Variants in CAMTA1 observed in about 807,000 individuals in gnomAD.
CAMTA1 encodes calmodulin binding transcription activator 1, also known as calmodulin-binding transcription activator 1.
In CAMTA1, 27 loss-of-function variants were observed where a neutral mutation model predicts 170.9. The ratio of observed to expected loss-of-function variants is 0.16; its 90% CI spans 0.12 to 0.22. The LOEUF (loss-of-function observed/expected upper bound fraction) is 0.22, where lower values mean the gene tolerates loss of function less well. Ranked by LOEUF, CAMTA1 falls within the 10% of genes least tolerant of loss-of-function variation. The probability of loss-of-function intolerance (pLI) is 1.00; values close to 1 mark genes in which losing one functional copy is unlikely to be tolerated. For synonymous variants in CAMTA1, 833 were observed against 891.5 expected, an observed-to-expected ratio of 0.93 and a Z score of 1.17; for missense variants, 1,619 against 2,217.2, an observed-to-expected ratio of 0.73 and a Z score of 5.42.
intron 5 of CAMTA1, among the ~76,000 whole-genome samples, chr1:7,303,984 G>A (rs563962889): frequency 6.6e-6 from 1 of 152,336 alleles, no homozygotes; most frequent in South Asian, 2.1e-4. Context: ...GCATTCTGTG[G>A]TTCTGCTTCT....
At chr1:6,900,576 A>G (rs899225465) in intron 3 of CAMTA1, among the ~76,000 whole-genome samples, 1 of 152,210 alleles carries the variant, frequency 6.6e-6, no homozygotes, top group African/African-American at 2.4e-5. Flanking sequence ...CCAAGCACCT[A>G]TGAGAATAAA....
chr1:7,138,737 G>A (rs1330769389), intron 4 of CAMTA1, among the ~76,000 whole-genome samples: 5 of 152,112 alleles, frequency 3.3e-5, no homozygotes, highest in Admixed American at 3.3e-4. Flanking sequence ...GCTCACACCT[G>A]TAATCCCAGC....
intron 3 of CAMTA1, among the ~76,000 whole-genome samples, chr1:6,928,742 C>T (rs1683824589): frequency 6.6e-6 from 1 of 152,216 alleles, no homozygotes; most frequent in Non-Finnish European, 1.5e-5. Flanking sequence ...TTGGCTTGCC[C>T]CAGCTCATTT....
rs267598725 is a variant in CAMTA1 at position 7,663,640 on chromosome 1, G to A, written c.1093G>A (p.Gly365Arg). 1.4e-5 allele frequency: 22 copies of A among 1,614,114 alleles called. No individual in the cohort carries two copies. The highest frequency in any genetic ancestry group is 6.7e-5 in the East Asian group (3 of 44,876). ...GAGCTCCCCTGTGTCCATCAGCAGC[G>A]GGCTCAACAGCGACCCGGACATGGT... ...TQSSPVSISS[G>R]LNSDPDMVDS... Residue 365 changes from glycine to arginine, a missense_variant, in exon 9 of 23, where the codon GGG becomes AGG. This residue lies in a region of CAMTA1 where 731 missense variants were observed against 907.6 expected (regional missense o/e 0.81). Transcript: ENST00000303635.
At position 7,146,051 on chromosome 1, in the gene CAMTA1, C is replaced by A. The variant is rs17030367; in HGVS notation, c.302+54680C>A. Among the ~76,000 whole-genome samples the A allele has an allele frequency of 6.6e-6, 1 of 152,154 alleles. No individual in the cohort carries two copies. The highest frequency in any genetic ancestry group is 1.9e-4 in the East Asian group (1 of 5,202). ...GCTTCTATTTACTGAACACTTACTA[C>A]GTGCGTGGCACTATGCCCAGTGCTT... On this transcript the variant is annotated intron_variant, in intron 4 of 22. Coordinates refer to ENST00000303635, the MANE Select transcript of CAMTA1 (RefSeq NM_015215.4). The surrounding 1 kb of genome is among the most constrained non-coding windows in gnomAD (Gnocchi z 4.3).
At chr1:7,650,427 G>A (rs940277314) in intron 7 of CAMTA1, among the ~76,000 whole-genome samples, 12 of 152,164 alleles carry the variant, frequency 7.9e-5, no homozygotes, top group South Asian at 2.1e-4. Context: ...CTGGAATGGC[G>A]CCTCTCCCTA....
intron 6 of CAMTA1, among the ~76,000 whole-genome samples, chr1:7,477,271 GT>G (rs1252064067): frequency 3.9e-5 from 6 of 151,998 alleles, no homozygotes; most frequent in Non-Finnish European, 5.9e-5. Flanking sequence ...GGAGGGGCGG[GT>G]TTTGGAAAAG....
chr1:7,131,978 C>T (rs891959073), intron 4 of CAMTA1, among the ~76,000 whole-genome samples: 3 of 151,940 alleles, frequency 2.0e-5, no homozygotes, highest in African/African-American at 7.3e-5. Context: ...TCGCCTGAAC[C>T]TGGGAGGGAG....
In CAMTA1 at chr1:6,822,456, C is replaced by G. The variant is rs17029910; in HGVS notation, c.115+2206C>G. Among the ~76,000 whole-genome samples, 466 of 152,210 alleles carry G rather than the reference C, an allele frequency of 3.1e-3. 27 individuals carry two copies. The East Asian group carries it at 0.082, about 27-fold the overall frequency. The stretch of plus-strand genomic sequence containing the variant: ...GTAATTCTTTTCTCAGTATTAAACT[C>G]GCAATCCTTATAATGTAGTAGGAAA... On this transcript the variant is annotated intron_variant, in intron 2 of 22. Transcript: ENST00000303635.
chr1:6,926,440 CTTT>C (rs1683161702), intron 3 of CAMTA1, among the ~76,000 whole-genome samples: 2 of 31,446 alleles, frequency 6.4e-5, no homozygotes, highest in Non-Finnish European at 1.2e-4. Context: ...TTTCTTTTCT[CTTT>C]CTTTCTTTCT....
chr1:7,289,351 G>A (rs1672786047), intron 5 of CAMTA1, among the ~76,000 whole-genome samples: 1 of 152,126 alleles, frequency 6.6e-6, no homozygotes, highest in Admixed American at 6.5e-5. Context: ...GGGAGAAGGT[G>A]TGGTTTCAAG....
intron 3 of CAMTA1, among the ~76,000 whole-genome samples, chr1:6,963,942 C>A (rs1301446021): frequency 1.3e-5 from 2 of 152,262 alleles, no homozygotes; most frequent in Non-Finnish European, 2.9e-5. Flanking sequence ...TCGCAGAAGA[C>A]CCAGTGTCCT....
intron 12 of CAMTA1, among the ~76,000 whole-genome samples, chr1:7,733,589 G>A (rs1325078502): frequency 4.6e-5 from 7 of 152,068 alleles, no homozygotes; most frequent in African/African-American, 1.7e-4. Context: ...AAGTCTCCCA[G>A]GGAGAAATTA....
At chr1:7,183,989 C>T (rs1474047983) in intron 4 of CAMTA1, among the ~76,000 whole-genome samples, 1 of 152,090 alleles carries the variant, frequency 6.6e-6, no homozygotes, top group Non-Finnish European at 1.5e-5. Flanking sequence ...TAAGTGTCCA[C>T]CAACAGATGA....
rs2095980948 is a variant in CAMTA1 at position 7,663,804 on chromosome 1, C to T, written c.1257C>T (p.Asn419=). The T allele has an allele frequency of 1.2e-6, 2 of 1,614,070 alleles. No individual in the cohort carries two copies. The highest frequency in any genetic ancestry group is 1.7e-6 in the Non-Finnish European group (2 of 1,180,046). The change falls in exon 9 of 23, where the codon AAC becomes AAT. Residue 419 remains asparagine, a synonymous_variant. Coordinates refer to ENST00000303635, the MANE Select transcript of CAMTA1 (RefSeq NM_015215.4). The part of the protein sequence containing the change: ...VYTMSPTAGP[N]HHLLSPDASQ... ...CCATGTCCCCCACCGCTGGCCCCAA[C>T]CACCACCTCCTCTCACCTGACGCCT...
chr1:6,948,750 A>G (rs896547616), intron 3 of CAMTA1, among the ~76,000 whole-genome samples: 11 of 152,158 alleles, frequency 7.2e-5, no homozygotes, highest in African/African-American at 2.7e-4. Flanking sequence ...GCTTAAGTAA[A>G]GTGCTCCATG....
intron 5 of CAMTA1, among the ~76,000 whole-genome samples, chr1:7,335,410 C>G (rs919257702): frequency 6.6e-6 from 1 of 152,202 alleles, no homozygotes; most frequent in African/African-American, 2.4e-5. Flanking sequence ...ACTCAGCAGC[C>G]ACCTGTCAGT....
intron 1 of CAMTA1, among the ~76,000 whole-genome samples, chr1:6,812,630 C>T (rs1015189341): frequency 1.3e-5 from 2 of 151,988 alleles, no homozygotes; most frequent in African/African-American, 4.8e-5. Flanking sequence ...TGATTATTTT[C>T]AGACTTTGAG....
rs754363073 is a variant in CAMTA1, at chr1:7,642,354, G to A, written c.664+1801G>A. Among the ~76,000 whole-genome samples, 7 of 152,198 alleles carry A rather than the reference G, an allele frequency of 4.6e-5. No individual in the cohort carries two copies. Among genetic ancestry groups the A allele is most frequent in the Non-Finnish European group, 7.3e-5 (5 of 68,036 alleles). On this transcript the variant is annotated intron_variant, in intron 7 of 22. Coordinates refer to ENST00000303635, the MANE Select transcript of CAMTA1 (RefSeq NM_015215.4). The surrounding 1 kb of genome is among the most constrained non-coding windows in gnomAD (Gnocchi z 6.3). ...TGGTGGGGGGGAAGGGACCTGCCCA[G>A]GGTCCTGAGCAGAGGACAGAAGCTG...
Sources: gnomAD v4.1 joint callset for allele counts (sites outside exome capture counted in the v4.1 genomes callset) on GRCh38, gnomAD v4.1.1 for gene constraint, gnomAD v4.1.1 regional missense constraint, Gnocchi (gnomAD v3.1) non-coding constraint, MANE v1.5 for transcripts, NCBI Gene and HGNC (gene_info 2026-07-23, HGNC 2026-07-21) for gene names.